KIRREL3: variants seen among roughly 807,000 people sequenced by gnomAD.
The protein encoded by KIRREL3 is kirre like nephrin family adhesion molecule 3, also known as kin of IRRE-like protein 3.
In KIRREL3, 36 loss-of-function variants were observed where a neutral mutation model predicts 89.7. The ratio of observed to expected loss-of-function variants is 0.40; its 90% CI spans 0.31 to 0.53. The LOEUF is 0.53. KIRREL3 is among the 20% of genes least tolerant of loss of function. KIRREL3 has a pLI of 0.49. For missense variants in KIRREL3, 864 were observed against 1,056.6 expected, an observed-to-expected ratio of 0.82 and a Z score of 2.53; for synonymous variants, 445 against 441.4, an observed-to-expected ratio of 1.01 and a Z score of -0.10.
intron 1 of KIRREL3, among the ~76,000 whole-genome samples, chr11:126,925,703 T>G (rs960126228): frequency 4.6e-5 from 7 of 152,194 alleles, no homozygotes; most frequent in Non-Finnish European, 1.0e-4. Context: ...GAGAACGTTG[T>G]GGTCACCTCT....
At chr11:126,437,712 C>T (rs1445872849) in intron 11 of KIRREL3, among the ~76,000 whole-genome samples, 4 of 152,068 alleles carry the variant, frequency 2.6e-5, no homozygotes, top group African/African-American at 4.8e-5. Context: ...AGCCACTCCC[C>T]GAAATACATG....
At chr11:126,721,891 TGCCTCACAGTCAAAAA>T (rs1265517956) in intron 1 of KIRREL3, among the ~76,000 whole-genome samples, 2 of 152,218 alleles carry the variant, frequency 1.3e-5, no homozygotes, top group Admixed American at 6.5e-5. Flanking sequence ...ACTGGGATGG[TGCCTCACAGTCAAAAA>T]GCCTCACAGT....
chr11:126,481,509 G>A (rs1268670125), intron 4 of KIRREL3, among the ~76,000 whole-genome samples: 1 of 152,272 alleles, frequency 6.6e-6, no homozygotes, highest in South Asian at 2.1e-4. Context: ...CACACCCACC[G>A]CCTCTCCCAG....
chr11:126,664,842 C>CTA lies in KIRREL3; in HGVS notation c.56-101931_56-101930insTA, dbSNP rs1945582625. ...TCTATGAACCTCTTGTGCCCTTAGA[C>CTA]AGGGGGGCATTCCCTGCCTCAACCA... On this transcript the variant is annotated intron_variant, in intron 1 of 16. Transcript: ENST00000525144. This position sits in a 1 kb window ranked among gnomAD's most constrained non-coding sequence, Gnocchi z 5.4. Among the ~76,000 whole-genome samples, 1 of 152,214 alleles carries CTA rather than the reference C, an allele frequency of 6.6e-6. No individual in the cohort carries two copies. Among genetic ancestry groups the CTA allele is most frequent in the Non-Finnish European group, 1.5e-5 (1 of 68,038 alleles).
chr11:126,973,100 GAAAAAAAAAAA>G (rs11449960), intron 1 of KIRREL3, among the ~76,000 whole-genome samples: 9 of 119,636 alleles, frequency 7.5e-5, no homozygotes, highest in South Asian at 3.0e-4. Flanking sequence ...AAGTTTTGAG[GAAAAAAAAAAA>G]AAAAAAAAAG....
rs1295849611 is a variant in KIRREL3 at position 126,566,551 on chromosome 11, A to G, written c.56-3639T>C. On this transcript the variant is annotated intron_variant, in intron 1 of 16. Transcript: ENST00000525144. The surrounding 1 kb of genome is among the most constrained non-coding windows in gnomAD (Gnocchi z 4.9). ...AATAAGTGGGCTTCACTGTAGCACA[A>G]TGGGTTTAGGTTAGCAGAGGTTGGT... Among the ~76,000 whole-genome samples the G allele has an allele frequency of 3.9e-5, 6 of 152,176 alleles. No individual in the cohort carries two copies. The highest frequency in any genetic ancestry group is 8.8e-5 in the Non-Finnish European group (6 of 68,020).
At chr11:126,979,105 A>G (rs1949656086) in intron 1 of KIRREL3, among the ~76,000 whole-genome samples, 1 of 152,234 alleles carries the variant, frequency 6.6e-6, no homozygotes, top group African/African-American at 2.4e-5. Context: ...TTCACCCGGA[A>G]CAAAAGACCC....
chr11:126,743,702 A>G (rs1949051554), intron 1 of KIRREL3, among the ~76,000 whole-genome samples: 3 of 152,260 alleles, frequency 2.0e-5, no homozygotes, highest in Middle Eastern at 6.8e-3. Flanking sequence ...CTTTGATCTC[A>G]TCTCTAATAT....
intron 1 of KIRREL3, among the ~76,000 whole-genome samples, chr11:126,937,376 C>T (rs935997139): frequency 6.6e-6 from 1 of 152,172 alleles, no homozygotes; most frequent in African/African-American, 2.4e-5. Context: ...TTACAAAGTG[C>T]CTTAACATAC....
At chr11:126,992,340 G>T (rs150328730) in intron 1 of KIRREL3, 1 of 152,124 alleles carries the variant, frequency 6.6e-6, no homozygotes, top group Admixed American at 6.5e-5. Flanking sequence ...GAATTCCACC[G>T]TGAGTCAGAA....
At chr11:126,770,757 C>T (rs559537594) in intron 1 of KIRREL3, among the ~76,000 whole-genome samples, 11 of 152,234 alleles carry the variant, frequency 7.2e-5, no homozygotes, top group South Asian at 2.1e-4. Context: ...TGGCTTCATA[C>T]GGAGCCCCAG....
intron 1 of KIRREL3, among the ~76,000 whole-genome samples, chr11:126,992,754 G>A (rs1217725882): frequency 6.6e-6 from 1 of 152,126 alleles, no homozygotes; most frequent in Non-Finnish European, 1.5e-5. Context: ...TTCCTCTTCT[G>A]GTTAGCACCC....
rs541615806 is a variant in KIRREL3, at chr11:126,531,060, C to T, written c.134-4373G>A. The stretch of plus-strand genomic sequence containing the variant: ...GGCCAGGCTGGTCTCGAACTCCTGA[C>T]CTCATGATCCACCTGCCTCGACCTC... On this transcript the variant is annotated intron_variant, in intron 2 of 16. Transcript: ENST00000525144. The surrounding 1 kb of genome is among the most constrained non-coding windows in gnomAD (Gnocchi z 4.7). 8.1e-4 allele frequency among the ~76,000 whole-genome samples: 123 copies of T among 152,248 alleles called. No individual in the cohort carries two copies. The highest frequency in any genetic ancestry group is 2.9e-3 in the African/African-American group (120 of 41,550).
Position 126,455,618 on chromosome 11 carries a change from C to T in KIRREL3, c.848+731G>A, listed in dbSNP as rs1321961995. On this transcript the variant is annotated intron_variant, in intron 7 of 16. Transcript: ENST00000525144. The surrounding 1 kb of genome is among the most constrained non-coding windows in gnomAD (Gnocchi z 6.4). ...CCTGGCTAACACGGTGAAACGCTGT[C>T]TCTACTAAAAATACAAAAAAAAAAA... is the stretch of plus-strand genomic sequence containing the variant. Among the ~76,000 whole-genome samples the T allele has an allele frequency of 1.4e-5, 2 of 138,816 alleles. No homozygotes were observed. Among genetic ancestry groups the T allele is most frequent in the African/African-American group, 2.7e-5 (1 of 37,418 alleles). 91.1% of individuals were successfully genotyped at this position (138,816 alleles called of 152,430 possible).
intron 1 of KIRREL3, among the ~76,000 whole-genome samples, chr11:126,794,879 G>T (rs1406321430): frequency 6.6e-6 from 1 of 152,142 alleles, no homozygotes; most frequent in Non-Finnish European, 1.5e-5. Flanking sequence ...GATAAACTGT[G>T]GTACCTCCAC....
At chr11:126,712,962 G>C (rs1947820827) in intron 1 of KIRREL3, among the ~76,000 whole-genome samples, 1 of 152,088 alleles carries the variant, frequency 6.6e-6, no homozygotes, top group South Asian at 2.1e-4. Context: ...TAGGTGTTAG[G>C]TGTTGAGTGT....
chr11:126,514,246 T>TG (rs1958329859), intron 4 of KIRREL3, among the ~76,000 whole-genome samples: 2 of 152,102 alleles, frequency 1.3e-5, no homozygotes, highest in African/African-American at 2.4e-5. Context: ...TACCGCTATT[T>TG]GGGGGTGATT....
chr11:126,789,365 C>T (rs1327551199), intron 1 of KIRREL3, among the ~76,000 whole-genome samples: 1 of 152,162 alleles, frequency 6.6e-6, no homozygotes. Flanking sequence ...CTGGACCATT[C>T]CCACAAAGCA....
chr11:126,701,081 A>G (rs1477010974), intron 1 of KIRREL3, among the ~76,000 whole-genome samples: 1 of 152,230 alleles, frequency 6.6e-6, no homozygotes, highest in Non-Finnish European at 1.5e-5. Flanking sequence ...CTGCATTGTC[A>G]TGAAAGGGCC....
Sources: gnomAD v4.1 joint callset for allele counts (sites outside exome capture counted in the v4.1 genomes callset) on GRCh38, gnomAD v4.1.1 for gene constraint, Gnocchi (gnomAD v3.1) non-coding constraint, MANE v1.5 for transcripts, NCBI Gene and HGNC (gene_info 2026-07-23, HGNC 2026-07-21) for gene names.